Variants in CIMAP1B observed in about 807,000 individuals in gnomAD.
CIMAP1B encodes orf2 5' to PD-ECGF/TP.
chr22:50,531,520 C>T, the CIMAP1B span: 3 of 1,397,976 alleles, frequency 2.1e-6, no homozygotes, highest in Middle Eastern at 1.8e-4. Flanking sequence ...AGGTGGGCCT[C>T]CCTGGAGGCA....
the CIMAP1B span, chr22:50,531,318 G>C: frequency 1.9e-6 from 3 of 1,581,094 alleles, no homozygotes; most frequent in East Asian, 4.5e-5. Flanking sequence ...TCAAGGGTGT[G>C]GGGGGCTAGA....
At chr22:50,530,474 G>A in the CIMAP1B span, 3 of 1,592,136 alleles carry the variant, frequency 1.9e-6, no homozygotes, top group South Asian at 3.4e-5. Context: ...GCTCCCGCCT[G>A]GCGGGTCAGT....
At chr22:50,530,580 G>T in the CIMAP1B span, 19 of 1,572,850 alleles carry the variant, frequency 1.2e-5, no homozygotes, top group Non-Finnish European at 1.6e-5. Context: ...CGGAGACACC[G>T]CTGACCTCGC....
chr22:50,531,754 C>T, the CIMAP1B span: 3 of 1,372,564 alleles, frequency 2.2e-6, no homozygotes, highest in Non-Finnish European at 2.8e-6. Context: ...GCGGCCGCGA[C>T]GGGTCATGCA....
At chr22:50,531,652 G>C in the CIMAP1B span, 2 of 1,376,146 alleles carry the variant, frequency 1.5e-6, no homozygotes, top group Non-Finnish European at 9.3e-7. Flanking sequence ...TGCCGCGCAC[G>C]GTCATGCGAG....
the CIMAP1B span, chr22:50,531,059 C>T: frequency 6.2e-7 from 1 of 1,609,078 alleles, no homozygotes; most frequent in Non-Finnish European, 8.5e-7. Context: ...GCCGCGGGAC[C>T]TGGGGAGGAG....
the CIMAP1B span, chr22:50,530,911 T>G: frequency 6.2e-7 from 1 of 1,609,348 alleles, no homozygotes; most frequent in Non-Finnish European, 8.5e-7. Flanking sequence ...AGGGACCCCC[T>G]GCGTCCGCCC....
the CIMAP1B span, chr22:50,530,769 A>C: frequency 3.7e-6 from 6 of 1,608,318 alleles, no homozygotes; most frequent in African/African-American, 8.1e-5. Context: ...GGGGGAGCGA[A>C]GTCCGCGCCA....
At chr22:50,531,658 G>T in the CIMAP1B span, 26 of 1,375,392 alleles carry the variant, frequency 1.9e-5, no homozygotes, top group Non-Finnish European at 2.4e-5. Context: ...GCACGGTCAT[G>T]CGAGCGGGCA....
chr22:50,532,086 T>G, the CIMAP1B span: 4 of 1,362,232 alleles, frequency 2.9e-6, no homozygotes, highest in East Asian at 9.4e-5. Flanking sequence ...ATAGCGCGGG[T>G]GGGGGGCGCT....
chr22:50,530,841 G>A, the CIMAP1B span: 7 of 1,603,944 alleles, frequency 4.4e-6, no homozygotes, highest in East Asian at 1.6e-4. Context: ...GATAGGCGCA[G>A]GGGCCCGGGG....
chr22:50,532,390 G>C, the CIMAP1B span: 2 of 288,776 alleles, frequency 6.9e-6, no homozygotes, highest in African/African-American at 4.4e-5. Flanking sequence ...TGGGGGTGGG[G>C]TGGGGGCAGG....
At chr22:50,530,528 G>T in the CIMAP1B span, 1 of 1,600,882 alleles carries the variant, frequency 6.2e-7, no homozygotes, top group Non-Finnish European at 8.5e-7. Flanking sequence ...CCGAGTGCCG[G>T]ATCCCGAAAC....
the CIMAP1B span, chr22:50,530,895 C>T: frequency 6.2e-7 from 1 of 1,608,366 alleles, no homozygotes; most frequent in African/African-American, 1.3e-5. Context: ...TCCACTGCCG[C>T]GGACCAGGGA....
At chr22:50,530,602 C>G in the CIMAP1B span, 2 of 1,565,540 alleles carry the variant, frequency 1.3e-6, no homozygotes, top group South Asian at 1.2e-5. Flanking sequence ...GGGCCGGCAT[C>G]CTCTCCGCGC....
At chr22:50,532,005 C>T in the CIMAP1B span, 6 of 1,360,066 alleles carry the variant, frequency 4.4e-6, no homozygotes, top group Non-Finnish European at 4.8e-6. Context: ...GGCCCGGGGC[C>T]TCCGTAGTGC....
chr22:50,531,802 G>C, the CIMAP1B span: 47,018 of 1,350,054 alleles, frequency 0.035, 948 homozygotes, highest in Middle Eastern at 0.098. Flanking sequence ...GCGTCTGGCC[G>C]GGCCCAGCCC....
At chr22:50,531,688 G>A in the CIMAP1B span, 60 of 1,370,870 alleles carry the variant, frequency 4.4e-5, no homozygotes, top group Non-Finnish European at 5.3e-5. Context: ...CTGGCCCGGG[G>A]CCGCACGTCG....
chr22:50,530,465 C>T, the CIMAP1B span: 61 of 1,584,502 alleles, frequency 3.8e-5, no homozygotes, highest in Middle Eastern at 1.7e-4. Context: ...TGTGGGGCCG[C>T]TCCCGCCTGG....
Sources: allele counts gnomAD v4.1 joint callset, GRCh38; gene constraint gnomAD v4.1.1; transcripts MANE v1.5; gene names NCBI Gene and HGNC (gene_info 2026-07-23, HGNC 2026-07-21).